Variants in NBEA observed in about 807,000 individuals in gnomAD.
NBEA encodes the protein neurobeachin.
In NBEA, 44 loss-of-function variants were observed where a neutral mutation model predicts 343.4. That is an observed-to-expected ratio of 0.13 (90% CI 0.10 to 0.16). NBEA has a LOEUF of 0.16. Ranked by LOEUF, NBEA falls within the 10% of genes least tolerant of loss-of-function variation. The pLI, the probability that NBEA is intolerant of heterozygous loss-of-function variation, is 1.00. For synonymous variants in NBEA, 1,175 were observed against 1,238.7 expected, an observed-to-expected ratio of 0.95 and a Z score of 1.08; for missense variants, 2,555 against 3,631.3, an observed-to-expected ratio of 0.70 and a Z score of 7.62.
intron 44 of NBEA, among the ~76,000 whole-genome samples, chr13:35,556,588 G>A (rs1053138683): frequency 3.3e-5 from 5 of 151,636 alleles, no homozygotes; most frequent in Admixed American, 2.6e-4. Flanking sequence ...GTGCTCTTGT[G>A]ATTTAAAATG....
At chr13:35,406,963 C>G (rs1256286603) in intron 38 of NBEA, among the ~76,000 whole-genome samples, 2 of 136,754 alleles carry the variant, frequency 1.5e-5, no homozygotes, top group Admixed American at 7.4e-5. Flanking sequence ...TTTCTTTGCT[C>G]TTTTTTTTTT....
chr13:35,427,609 G>T (rs539396092), intron 38 of NBEA, among the ~76,000 whole-genome samples: 2 of 152,182 alleles, frequency 1.3e-5, no homozygotes, highest in Non-Finnish European at 2.9e-5. Flanking sequence ...CAGTCTGCCC[G>T]TTCTCAGATC....
rs140710743 is a variant in NBEA, at chr13:35,392,955, T to C, written c.6180-39314T>C. On this transcript the variant is annotated intron_variant, in intron 38 of 58. Coordinates refer to ENST00000379939, the MANE Select transcript of NBEA (RefSeq NM_001385012.1). Reference sequence around the variant, plus strand: ...TCCCAGGTCACAGTTGAACATTCCATTGGGAATTATTTCCTGTTATAGTTG... The same window carrying C: ...TCCCAGGTCACAGTTGAACATTCCACTGGGAATTATTTCCTGTTATAGTTG... 3.7e-3 allele frequency among the ~76,000 whole-genome samples: 559 copies of C among 152,304 alleles called. 7 individuals are homozygous for C. The highest frequency in any genetic ancestry group is 0.013 in the African/African-American group (525 of 41,568).
chr13:34,975,454 A>G (rs541198098), intron 1 of NBEA, among the ~76,000 whole-genome samples: 1 of 152,226 alleles, frequency 6.6e-6, no homozygotes, highest in Non-Finnish European at 1.5e-5. Context: ...TTATACTTGA[A>G]ACTAAGACCT....
chr13:35,191,351 C>T (rs190201971), intron 30 of NBEA, among the ~76,000 whole-genome samples: 24 of 152,170 alleles, frequency 1.6e-4, no homozygotes, highest in African/African-American at 4.6e-4. Flanking sequence ...GTTGACACAG[C>T]GTAGTCAAAA....
At position 35,566,976 on chromosome 13, in the gene NBEA, T is replaced by A; in HGVS notation, c.6994T>A (p.Leu2332Met). The change falls in exon 45 of 59, where the codon TTG (leucine) becomes ATG (methionine). Residue 2332 changes from leucine to methionine, a missense_variant. Physicochemically the swap from Leu to Met is conservative, Grantham distance 15 (BLOSUM62 2). Transcript: ENST00000379939. ...GTTAACCAACTATGAATCAGAAGAGTTGGACCTGACTCTTCCAGGAAACTT... is the reference window on the plus strand; with the variant it reads ...GTTAACCAACTATGAATCAGAAGAGATGGACCTGACTCTTCCAGGAAACTT... ...WVLTNYESEE[L>M]DLTLPGNFRD... is the part of the protein sequence containing the mutation. 6.2e-7 allele frequency: 1 copy of A among 1,612,726 alleles called. No individual in the cohort carries two copies. The highest frequency in any genetic ancestry group is 8.5e-7 in the Non-Finnish European group (1 of 1,179,028).
chr13:35,174,022 T>C (rs1043875017), intron 27 of NBEA, among the ~76,000 whole-genome samples: 2 of 152,158 alleles, frequency 1.3e-5, no homozygotes, highest in African/African-American at 4.8e-5. Context: ...TAGCTTTCTT[T>C]ATCATATGCT....
intron 1 of NBEA, among the ~76,000 whole-genome samples, chr13:34,979,713 TTTA>T (rs1400547935): frequency 5.3e-5 from 8 of 152,210 alleles, no homozygotes; most frequent in African/African-American, 2.4e-5. Flanking sequence ...CAGGAGCACT[TTTA>T]AATATTGATA....
At chr13:35,484,185 G>C (rs2076220648) in intron 41 of NBEA, among the ~76,000 whole-genome samples, 1 of 150,300 alleles carries the variant, frequency 6.7e-6, no homozygotes, top group Non-Finnish European at 1.5e-5. Context: ...TTTATTGCTA[G>C]CCATTTTGTC....
intron 38 of NBEA, among the ~76,000 whole-genome samples, chr13:35,357,252 A>T (rs537847020): frequency 6.6e-6 from 1 of 152,114 alleles, no homozygotes; most frequent in South Asian, 2.1e-4. Context: ...TATGACTTGT[A>T]AGCTGTGTAA....
intron 38 of NBEA, among the ~76,000 whole-genome samples, chr13:35,404,364 C>T (rs907042903): frequency 2.0e-5 from 3 of 150,386 alleles, no homozygotes; most frequent in African/African-American, 7.3e-5. Context: ...AGATGTCCAA[C>T]AATGATAGAC....
intron 41 of NBEA, among the ~76,000 whole-genome samples, chr13:35,548,719 T>C (rs910396578): frequency 1.6e-4 from 24 of 152,194 alleles, no homozygotes; most frequent in Non-Finnish European, 8.8e-5. Flanking sequence ...GAATTAATCC[T>C]GTATCACTAT....
At chr13:35,011,300 T>C (rs2061487404) in intron 1 of NBEA, among the ~76,000 whole-genome samples, 1 of 152,004 alleles carries the variant, frequency 6.6e-6, no homozygotes, top group Admixed American at 6.6e-5. Flanking sequence ...GAAAAGGAAA[T>C]AGATCTGGGA....
intron 34 of NBEA, among the ~76,000 whole-genome samples, chr13:35,271,716 T>C (rs758231712): frequency 6.6e-6 from 1 of 152,120 alleles, no homozygotes; most frequent in Non-Finnish European, 1.5e-5. Context: ...CATACACAAG[T>C]ATCAATAGCT....
intron 38 of NBEA, among the ~76,000 whole-genome samples, chr13:35,372,453 C>A (rs868733936): frequency 2.6e-5 from 4 of 152,232 alleles, no homozygotes; most frequent in Middle Eastern, 3.4e-3. Flanking sequence ...CTGGGGAGGG[C>A]AGATCCAGGC....
chr13:35,133,151 T>G (rs1404875797), intron 17 of NBEA, among the ~76,000 whole-genome samples: 1 of 151,812 alleles, frequency 6.6e-6, no homozygotes, highest in African/African-American at 2.4e-5. Context: ...ACGAAAAAAA[T>G]TGTGCAAATA....
intron 1 of NBEA, among the ~76,000 whole-genome samples, chr13:35,009,184 T>C (rs1205395687): frequency 6.6e-6 from 1 of 152,214 alleles, no homozygotes; most frequent in Admixed American, 6.5e-5. Flanking sequence ...GAATGGAAAA[T>C]ATGTGCCAAG....
intron 16 of NBEA, 23 bp downstream of exon 16, chr13:35,118,497 A>G (rs765871761): frequency 6.6e-7 from 1 of 1,505,388 alleles, no homozygotes; most frequent in South Asian, 1.2e-5. Flanking sequence ...TATTAGTATT[A>G]CTATTAGACT....
chr13:35,644,566 C>T (rs199775100), intron 49 of NBEA, among the ~76,000 whole-genome samples: 2 of 152,172 alleles, frequency 1.3e-5, no homozygotes, highest in South Asian at 2.1e-4. Flanking sequence ...CCCGGCTCCT[C>T]GCCCCCACTT....
Sources: allele counts gnomAD v4.1 joint callset (sites outside exome capture counted in the v4.1 genomes callset), GRCh38; gene constraint gnomAD v4.1.1; transcripts MANE v1.5; gene names NCBI Gene and HGNC (gene_info 2026-07-23, HGNC 2026-07-21).